The following MYOM2 variants were observed in gnomAD, a reference collection of about 807,000 sequenced individuals.
MYOM2 encodes the protein myomesin 2.
Under a neutral mutation model 187.6 loss-of-function variants are expected in MYOM2, and 254 were observed. The ratio of observed to expected loss-of-function variants is 1.35; its 90% confidence interval spans 1.22 to 1.50. The LOEUF is 1.50. Among genes scored for constraint, MYOM2 ranks in the 40% most tolerant of loss-of-function variants. MYOM2 has a pLI of 0.00. For missense variants in MYOM2, 2,796 were observed against 1,924.0 expected (o/e 1.45, Z -8.48); for synonymous variants, 981 against 753.8 (o/e 1.30, Z -4.94).
intron 3 of MYOM2, among the ~76,000 whole-genome samples, chr8:2,055,039 C>G (rs141649154): frequency 6.2e-3 from 276 of 44,220 alleles, no homozygotes; most frequent in East Asian, 0.022. Context: ...ACTGGGGAAC[C>G]AAGTACCTGG....
At chr8:2,081,529 G>C (rs916989588) in intron 13 of MYOM2, among the ~76,000 whole-genome samples, 3 of 152,252 alleles carry the variant, frequency 2.0e-5, no homozygotes, top group African/African-American at 7.2e-5. Context: ...GAGTGGATGT[G>C]TAGGAATCCA....
rs1798352051 is a variant in MYOM2, at chr8:2,143,512, A to G, written c.4080+56A>G. 7 of 1,603,012 alleles carry G rather than the reference A, an allele frequency of 4.4e-6. No individual in the cohort carries two copies. In the Admixed American group the frequency reaches 6.7e-5, roughly 15 times the overall value. On this transcript the variant is annotated intron_variant, in intron 36 of 36. Transcript: ENST00000262113. ...GTGTCAGCACGGTGCGATGGACGCA[A>G]CCCCTTCTCTTGGGGCGGAGCAGAG...
At chr8:2,100,157 C>CTTCCTTCCTTCT (rs1796654944) in intron 19 of MYOM2, among the ~76,000 whole-genome samples, 1 of 127,746 alleles carries the variant, frequency 7.8e-6, no homozygotes, top group African/African-American at 3.2e-5. Flanking sequence ...TCCTTCCTTC[C>CTTCCTTCCTTCT]TTCCTTCCTT....
intron 28 of MYOM2, 138 bp downstream of exon 28, chr8:2,118,090 G>A (rs948155944): frequency 2.9e-5 from 19 of 661,842 alleles, no homozygotes; most frequent in African/African-American, 7.3e-5. Flanking sequence ...GCGGATGGGC[G>A]GAGTGGCTTT....
chr8:2,102,348 T>G (rs530530590), intron 20 of MYOM2: 8 of 249,330 alleles, frequency 3.2e-5, no homozygotes, highest in African/African-American at 1.7e-4. Flanking sequence ...TAGTATTTGG[T>G]TCCACAGAAT....
At chr8:2,130,557 TGAA>T (rs1408308402) in intron 32 of MYOM2, among the ~76,000 whole-genome samples, 1 of 152,242 alleles carries the variant, frequency 6.6e-6, no homozygotes, top group Non-Finnish European at 1.5e-5. Flanking sequence ...GTAAGTAAAT[TGAA>T]GAGTTGAAAG....
intron 14 of MYOM2, among the ~76,000 whole-genome samples, chr8:2,088,927 G>T (rs1453903962): frequency 1.3e-5 from 2 of 152,184 alleles, no homozygotes; most frequent in East Asian, 3.9e-4. Context: ...TGTAGGAGAG[G>T]AAGCTCTCCT....
rs150579835 is a variant in MYOM2, at chr8:2,089,900, C to T, written c.1645-108C>T. 565 of 995,906 alleles carry T rather than the reference C, an allele frequency of 5.7e-4. 5 individuals carry two copies. In the African/African-American group the frequency reaches 7.9e-3, roughly 14 times the overall value. The allele number at this position is 995,906 out of a possible 1,614,324, so 61.7% of individuals were successfully genotyped here. A position where few individuals can be genotyped will look rare whatever the true frequency, so the allele number is the denominator to read the frequency against. On this transcript the variant is annotated intron_variant, in intron 14 of 36. Coordinates refer to ENST00000262113, the MANE Select transcript of MYOM2 (RefSeq NM_003970.4). ...CTTTGTGTGCGAGACGCAGCGGGCG[C>T]GCCTGGTGGTCCTGGGATAGCGAGA... is the stretch of plus-strand genomic sequence containing the variant.
At chr8:2,091,651 C>T (rs1322851938) in intron 15 of MYOM2, among the ~76,000 whole-genome samples, 1 of 152,234 alleles carries the variant, frequency 6.6e-6, no homozygotes, top group African/African-American at 2.4e-5. Context: ...CCTCAAGTTT[C>T]TATCTGGCTC....
chr8:2,085,545 C>CCCTACTGTCGTGATCTCCACGTGGCCA (rs1554546502), intron 14 of MYOM2, among the ~76,000 whole-genome samples, 155 bp downstream of exon 14: 2 of 50,452 alleles, frequency 4.0e-5, no homozygotes, highest in Non-Finnish European at 3.7e-5. Flanking sequence ...CTGCGTGGCC[C>CCCTACTGTCGTGATCTCCACGTGGCCA]CACTGTCATG....
Position 2,110,277 on chromosome 8 carries a change from T to C in MYOM2, c.3180+746T>C, listed in dbSNP as rs562244811. ...GGTCCGAGCTGCAGTGAGTTATGAT[T>C]GAACTACTGCACTCTAGCCTGGGAG... On this transcript the variant is annotated intron_variant, in intron 25 of 36. Transcript: ENST00000262113. 2.6e-5 allele frequency among the ~76,000 whole-genome samples: 4 copies of C among 152,276 alleles called. No individual in the cohort carries two copies. In the South Asian group the frequency reaches 8.3e-4, roughly 32 times the overall value.
At chr8:2,063,280 A>T (rs1202398664) in intron 6 of MYOM2, among the ~76,000 whole-genome samples, 1 of 152,160 alleles carries the variant, frequency 6.6e-6, no homozygotes, top group East Asian at 1.9e-4. Context: ...GTTGGCACCC[A>T]CCTCTTGATT....
intron 25 of MYOM2, 55 bp downstream of exon 25, chr8:2,109,586 G>T: frequency 6.4e-7 from 1 of 1,550,580 alleles, no homozygotes; most frequent in South Asian, 1.2e-5. Context: ...TTTTGTTGTG[G>T]TAGGTCAGTT....
At chr8:2,064,758 T>C (rs993687015) in intron 6 of MYOM2, among the ~76,000 whole-genome samples, 1 of 151,420 alleles carries the variant, frequency 6.6e-6, no homozygotes. Context: ...GGGGAACACA[T>C]CTCCCTCCTC....
intron 6 of MYOM2, among the ~76,000 whole-genome samples, chr8:2,062,552 C>T (rs563236617): frequency 1.1e-4 from 16 of 152,258 alleles, no homozygotes; most frequent in Admixed American, 3.3e-4. Context: ...CTGGGTTGGG[C>T]AGTGGAGTTA....
intron 10 of MYOM2, 31 bp downstream of exon 10, chr8:2,073,531 C>T (rs199952196): frequency 1.3e-6 from 2 of 1,560,634 alleles, no homozygotes; most frequent in Admixed American, 1.8e-5. Flanking sequence ...AGGGTGCAGA[C>T]CTTGTGTGTG....
intron 6 of MYOM2, among the ~76,000 whole-genome samples, chr8:2,062,724 A>G (rs10091333): frequency 0.9 from 137,297 of 152,170 alleles, 62,206 homozygotes; most frequent in East Asian, 0.99. Flanking sequence ...GCTCATGGGT[A>G]TGTGGGGCTG....
intron 19 of MYOM2, 150 bp downstream of exon 19, chr8:2,099,133 G>C: frequency 1.8e-6 from 2 of 1,082,280 alleles, no homozygotes; most frequent in Non-Finnish European, 2.6e-6. Flanking sequence ...GCCAGGCGCC[G>C]TGCAGGGCTG....
At chr8:2,143,933 G>A (rs1406732605) in intron 36 of MYOM2, among the ~76,000 whole-genome samples, 4 of 152,338 alleles carry the variant, frequency 2.6e-5, no homozygotes, top group Admixed American at 6.5e-5. Flanking sequence ...GGAACACATC[G>A]TGGAAGCCAC....
Sources: allele counts gnomAD v4.1 joint callset (sites outside exome capture counted in the v4.1 genomes callset), GRCh38; gene constraint gnomAD v4.1.1; transcripts MANE v1.5; gene names NCBI Gene and HGNC (gene_info 2026-07-23, HGNC 2026-07-21).